Variants in MAJIN observed in about 807,000 individuals in gnomAD.
MAJIN encodes the protein membrane anchored junction protein.
A neutral mutation model predicts 30.2 loss-of-function variants in MAJIN; 27 were observed. The observed-to-expected ratio is 0.89, with a 90% CI of 0.66 to 1.23. The LOEUF (loss-of-function observed/expected upper bound fraction) is 1.23, where lower values mean the gene tolerates loss of function less well. Ranked by LOEUF, MAJIN falls within the 50% of genes most tolerant of loss-of-function variation. The pLI is 0.00. For missense variants in MAJIN, 253 were observed against 260.3 expected (o/e 0.97, Z 0.19); for synonymous variants, 78 against 91.6 (o/e 0.85, Z 0.85).
At chr11:64,966,929 C>CAA (rs111480545) in intron 1 of MAJIN, among the ~76,000 whole-genome samples, 24 of 69,554 alleles carry the variant, frequency 3.5e-4, no homozygotes, top group East Asian at 5.4e-4. Context: ...ATGACTGTCT[C>CAA]AAAAAAAAAA....
At chr11:64,946,997 T>C (rs954831289) in intron 8 of MAJIN, among the ~76,000 whole-genome samples, 2 of 152,206 alleles carry the variant, frequency 1.3e-5, no homozygotes, top group Non-Finnish European at 2.9e-5. Context: ...TTATATTTTA[T>C]TTGTTCTTAC....
At chr11:64,945,870 T>C (rs1438264690) in intron 8 of MAJIN, among the ~76,000 whole-genome samples, 1 of 152,216 alleles carries the variant, frequency 6.6e-6, no homozygotes, top group East Asian at 1.9e-4. Flanking sequence ...AATTCATCGA[T>C]GCGTGTATTA....
chr11:64,968,843 AAAC>A (rs1449836581), intron 1 of MAJIN, among the ~76,000 whole-genome samples: 1 of 151,784 alleles, frequency 6.6e-6, no homozygotes, highest in Non-Finnish European at 1.5e-5. Context: ...AAAAAAAAAA[AAAC>A]AAGAATGAGC....
intron 8 of MAJIN, among the ~76,000 whole-genome samples, chr11:64,942,543 T>C (rs1945395213): frequency 6.6e-6 from 1 of 152,014 alleles, no homozygotes; most frequent in African/African-American, 2.4e-5. Flanking sequence ...CTGCAGACTA[T>C]AAAGGTAGGT....
At chr11:64,971,308 TCC>T (rs1158306873) in intron 1 of MAJIN, among the ~76,000 whole-genome samples, 1 of 150,598 alleles carries the variant, frequency 6.6e-6, no homozygotes, top group Non-Finnish European at 1.5e-5. Context: ...ATGCCTGTAA[TCC>T]CAGCTACTCA....
chr11:64,939,917 A>C, intron 9 of MAJIN, 150 bp from the exon 10 acceptor site: 1 of 602,158 alleles, frequency 1.7e-6, no homozygotes, highest in Non-Finnish European at 2.8e-6. Flanking sequence ...GACCTTCCCA[A>C]TTTCATCTCA....
chr11:64,954,091 C>T (rs910882235), intron 4 of MAJIN: 1 of 155,118 alleles, frequency 6.4e-6, no homozygotes, highest in African/African-American at 2.4e-5. Context: ...CTCTCATTTT[C>T]CAAATGAGGC....
intron 4 of MAJIN, 160 bp downstream of exon 4, chr11:64,954,597 A>G: frequency 2.7e-6 from 2 of 744,154 alleles, no homozygotes; most frequent in South Asian, 1.5e-5. Flanking sequence ...TTAAATTCCC[A>G]TGGAAAAACA....
At position 64,938,306 on chromosome 11, in the gene MAJIN, A is replaced by G. The variant is rs1945317398; in HGVS notation, c.*269T>C. 5.6e-6 allele frequency: 3 copies of G among 537,370 alleles called. No individual in the cohort carries two copies. The highest frequency in any genetic ancestry group is 3.1e-5 in the Admixed American group (1 of 32,208). 33.3% of individuals were successfully genotyped at this position (537,370 alleles called of 1,614,324 possible). On this transcript the variant is annotated 3_prime_UTR_variant, in exon 11 of 11. Transcript: ENST00000301896. ...AAAGGCCTAAACCGGCCCTCAGGAC[A>G]TGAACATTTTAGAAAGTTCCATTCT...
intron 8 of MAJIN, among the ~76,000 whole-genome samples, chr11:64,945,622 G>A (rs1482627546): frequency 5.3e-5 from 8 of 151,884 alleles, no homozygotes; most frequent in African/African-American, 1.9e-4. Context: ...TGCAACCTCC[G>A]CCTCCTGGGT....
chr11:64,959,384 A>G lies in MAJIN; in HGVS notation c.22T>C (p.Tyr8His), dbSNP rs769971920. 3 of 1,613,930 alleles carry G rather than the reference A, an allele frequency of 1.9e-6. No homozygotes were observed. Among genetic ancestry groups the G allele is most frequent in the East Asian group, 4.5e-5 (2 of 44,882 alleles). Residue 8 changes from tyrosine (Y) to histidine (H), a missense_variant, in exon 3 of 11, where the codon TAC becomes CAC. By Grantham distance (83) the Tyr-to-His change is moderately conservative. Transcript: ENST00000301896. ...AGAAACCTCGTCTCTGGAAACGGGT[A>G]GGTAAAGGGTTTTAAACTCATTGCT... MSLKPFT[Y>H]PFPETRFLHA...
In MAJIN at chr11:64,946,249, G is replaced by A. The variant is rs1006488954; in HGVS notation, c.473+1125C>T. The A allele has an allele frequency of 2.2e-6, 3 of 1,350,824 alleles. No individual in the cohort carries two copies. In the African/African-American group the frequency reaches 4.5e-5, roughly 20 times the overall value. The allele number at this position is 1,350,824 out of a possible 1,614,324, so 83.7% of individuals were successfully genotyped here. A position where few individuals can be genotyped will look rare whatever the true frequency, so the allele number is the denominator to read the frequency against. On this transcript the variant is annotated intron_variant, in intron 8 of 10. Transcript: ENST00000301896. ...GCCCAAATGAATATTTCAGCAGGTT[G>A]GCTATTGTTATACTACTCCTGGCTG...
chr11:64,969,048 T>G (rs1289850444), intron 1 of MAJIN, among the ~76,000 whole-genome samples: 4 of 152,184 alleles, frequency 2.6e-5, no homozygotes, highest in Non-Finnish European at 4.4e-5. Context: ...TTAGACTAAC[T>G]AACGGACTAG....
At chr11:64,952,340 A>G (rs546977083) in intron 4 of MAJIN, among the ~76,000 whole-genome samples, 1 of 151,738 alleles carries the variant, frequency 6.6e-6, no homozygotes, top group East Asian at 1.9e-4. Flanking sequence ...GGTGCCTGCC[A>G]CCACACCTGG....
chr11:64,953,868 G>T (rs1458685557), intron 4 of MAJIN, among the ~76,000 whole-genome samples: 1 of 152,174 alleles, frequency 6.6e-6, no homozygotes, highest in Non-Finnish European at 1.5e-5. Context: ...TATTCATAAT[G>T]ATATCCTTGA....
intron 8 of MAJIN, among the ~76,000 whole-genome samples, 183 bp from the exon 9 acceptor site, chr11:64,940,829 T>C (rs890239400): frequency 4.2e-5 from 5 of 120,244 alleles, no homozygotes; most frequent in African/African-American, 1.9e-4. Flanking sequence ...TTTTCTTTTT[T>C]TCTTTCTTTT....
chr11:64,965,929 C>G (rs947047156), intron 1 of MAJIN, among the ~76,000 whole-genome samples: 2 of 149,276 alleles, frequency 1.3e-5, no homozygotes, highest in African/African-American at 2.5e-5. Context: ...GCATTCCAGC[C>G]TGGGCAACAG....
At chr11:64,965,605 T>A (rs1265420083) in intron 1 of MAJIN, among the ~76,000 whole-genome samples, 1 of 152,108 alleles carries the variant, frequency 6.6e-6, no homozygotes, top group Non-Finnish European at 1.5e-5. Context: ...GCGTCTCACC[T>A]CACCACCCTG....
chr11:64,966,363 T>C (rs1038646028), intron 1 of MAJIN, among the ~76,000 whole-genome samples: 8 of 145,826 alleles, frequency 5.5e-5, no homozygotes, highest in African/African-American at 1.5e-4. Flanking sequence ...GGTGAAACTC[T>C]GTCTCTACTA....
Sources: gnomAD v4.1 joint callset for allele counts (sites outside exome capture counted in the v4.1 genomes callset) on GRCh38, gnomAD v4.1.1 for gene constraint, MANE v1.5 for transcripts, NCBI Gene and HGNC (gene_info 2026-07-23, HGNC 2026-07-21) for gene names.